GCNT2: variants seen among roughly 807,000 people sequenced by gnomAD.
GCNT2 encodes glucosaminyl (N-acetyl) transferase 2 (I blood group), also known as N-acetyllactosaminide beta-1,6-N-acetylglucosaminyl-transferase.
In GCNT2, 34 loss-of-function variants were observed where a neutral mutation model predicts 34.2. The observed-to-expected ratio is 1.00, with a 90% CI of 0.76 to 1.32. GCNT2 has a LOEUF of 1.32. Among genes scored for constraint, GCNT2 ranks in the 40% most tolerant of loss-of-function variants. The pLI is 0.00. For synonymous variants in GCNT2, 212 were observed against 188.0 expected (o/e 1.13, Z -1.04); for missense variants, 584 against 489.4 (o/e 1.19, Z -1.82).
Position 10,529,703 on chromosome 6 carries a change from G to A in GCNT2, c.792G>A (p.Thr264=), listed in dbSNP as rs780003599. 42 of 1,613,902 alleles carry A rather than the reference G, an allele frequency of 2.6e-5. No individual in the cohort carries two copies. The highest frequency in any genetic ancestry group is 8.8e-5 in the South Asian group (8 of 91,060). ...PPHDMVIYFG[T]AYVALTRDFA... is the part of the protein sequence containing the mutation. The stretch of plus-strand genomic sequence containing the variant: ...ATGACATGGTGATTTACTTTGGCAC[G>A]GCCTACGTGGCTCTCACAAGGGACT... Residue 264 remains threonine (T), a synonymous_variant, in exon 3 of 5, where the codon ACG becomes ACA. Coordinates refer to ENST00000495262, the MANE Select transcript of GCNT2 (RefSeq NM_145649.5).
chr6:10,569,946 T>TTTCTCTCTC (rs1763478431), intron 3 of GCNT2, among the ~76,000 whole-genome samples: 1 of 86,710 alleles, frequency 1.2e-5, no homozygotes, highest in Non-Finnish European at 2.8e-5. Flanking sequence ...CCTTCCTTCC[T>TTTCTCTCTC]TCTTCCTTCC....
intron 3 of GCNT2, among the ~76,000 whole-genome samples, chr6:10,564,149 C>T (rs1271292852): frequency 6.6e-6 from 1 of 152,066 alleles, no homozygotes; most frequent in Non-Finnish European, 1.5e-5. Flanking sequence ...GAACATGTGC[C>T]TATGGGTTTA....
intron 3 of GCNT2, among the ~76,000 whole-genome samples, chr6:10,605,438 G>T (rs12663755): frequency 0.45 from 66,648 of 149,602 alleles, 16,576 homozygotes; most frequent in East Asian, 0.64. Flanking sequence ...TTGAACTCCT[G>T]GGCTCAGGCG....
In GCNT2 at chr6:10,592,729, A is replaced by ATTTGTTTG. The variant is rs528366032; in HGVS notation, c.926-28606_926-28599dup. Among the ~76,000 whole-genome samples, 24 of 152,104 alleles carry ATTTGTTTG rather than the reference A, an allele frequency of 1.6e-4. 1 individual carries two copies. Among genetic ancestry groups the ATTTGTTTG allele is most frequent in the African/African-American group, 5.3e-4 (22 of 41,460 alleles). The stretch of plus-strand genomic sequence containing the variant: ...ACTCTTAATGAGCTCTTTTATTTTT[A>ATTTGTTTG]TTTGTTTGTTTGTTTGTTTGTTTAT... On this transcript the variant is annotated intron_variant, in intron 3 of 4. Coordinates refer to ENST00000495262, the MANE Select transcript of GCNT2 (RefSeq NM_145649.5).
chr6:10,570,870 G>A (rs964556480), intron 3 of GCNT2, among the ~76,000 whole-genome samples: 5 of 152,230 alleles, frequency 3.3e-5, no homozygotes, highest in Non-Finnish European at 5.9e-5. Flanking sequence ...GGAGTTAACC[G>A]GCTTCCTCCC....
intron 4 of GCNT2, chr6:10,621,696 C>G (rs1487230880): frequency 4.5e-6 from 2 of 442,156 alleles, no homozygotes; most frequent in East Asian, 9.5e-5. Flanking sequence ...TGTTTTTCTT[C>G]CTGCTAGTTT....
rs374505844 is a variant in GCNT2 at position 10,609,812 on chromosome 6, A to T, written c.926-11539A>T. Among the ~76,000 whole-genome samples the T allele has an allele frequency of 2.6e-4, 40 of 152,308 alleles. 1 individual carries two copies. Among genetic ancestry groups the T allele is most frequent in the African/African-American group, 9.6e-4 (40 of 41,568 alleles). ...CAAATGTAGAAATGTAAAATGAGAA[A>T]TGAAGTGAGGAGTTGGAATTCTGGT... On this transcript the variant is annotated intron_variant, in intron 3 of 4. Coordinates refer to ENST00000495262, the MANE Select transcript of GCNT2 (RefSeq NM_145649.5).
At chr6:10,604,969 A>T (rs1487598999) in intron 3 of GCNT2, among the ~76,000 whole-genome samples, 1 of 152,014 alleles carries the variant, frequency 6.6e-6, no homozygotes, top group African/African-American at 2.4e-5. Flanking sequence ...ACATAGCAAG[A>T]CCCTGTCTCT....
intron 3 of GCNT2, among the ~76,000 whole-genome samples, chr6:10,600,656 C>T (rs1329316022): frequency 6.6e-6 from 1 of 152,174 alleles, no homozygotes; most frequent in Non-Finnish European, 1.5e-5. Context: ...CCATTGAGGG[C>T]TGAGAAAGCG....
chr6:10,526,437 C>G (rs996968921), intron 1 of GCNT2, among the ~76,000 whole-genome samples: 3 of 152,282 alleles, frequency 2.0e-5, no homozygotes, highest in South Asian at 4.1e-4. Flanking sequence ...GCGGAAAAAT[C>G]AACAGGAATA....
At chr6:10,562,379 A>T (rs1763026704) in intron 3 of GCNT2, among the ~76,000 whole-genome samples, 1 of 152,164 alleles carries the variant, frequency 6.6e-6, no homozygotes. Context: ...TGAGAGTTCC[A>T]GCGGCAGCTT....
chr6:10,580,884 T>C (rs1469257396), intron 3 of GCNT2, among the ~76,000 whole-genome samples: 2 of 152,136 alleles, frequency 1.3e-5, no homozygotes, highest in African/African-American at 4.8e-5. Context: ...GAGATGATGA[T>C]GTGTTGTTAG....
intron 3 of GCNT2, among the ~76,000 whole-genome samples, chr6:10,551,424 T>C (rs976229735): frequency 2.7e-5 from 4 of 146,510 alleles, no homozygotes; most frequent in African/African-American, 1.1e-4. Context: ...TTTTTTAATT[T>C]TTATTATTTA....
intron 1 of GCNT2, among the ~76,000 whole-genome samples, chr6:10,522,948 C>T (rs1760989049): frequency 1.3e-5 from 2 of 152,204 alleles, no homozygotes; most frequent in African/African-American, 4.8e-5. Flanking sequence ...ATGAGGTTCT[C>T]CAGCTCTGGC....
At chr6:10,557,490 GTTC>G (rs1762776067) in intron 3 of GCNT2, 5 of 660,122 alleles carry the variant, frequency 7.6e-6, no homozygotes, top group South Asian at 3.8e-5. Context: ...GCAGAAAGAT[GTTC>G]TTTTTTTTTT....
chr6:10,534,246 A>AT (rs1561782112), intron 3 of GCNT2, among the ~76,000 whole-genome samples: 2 of 150,428 alleles, frequency 1.3e-5, no homozygotes, highest in Admixed American at 6.7e-5. Context: ...GGTTCAAGCA[A>AT]TTCTCCTGTC....
At chr6:10,568,382 G>A (rs1328342623) in intron 3 of GCNT2, among the ~76,000 whole-genome samples, 2 of 151,958 alleles carry the variant, frequency 1.3e-5, no homozygotes, top group Non-Finnish European at 2.9e-5. Flanking sequence ...CATTCCATAC[G>A]TTTTGTCTGT....
At chr6:10,576,149 C>T (rs999501860) in intron 3 of GCNT2, among the ~76,000 whole-genome samples, 2 of 151,982 alleles carry the variant, frequency 1.3e-5, no homozygotes, top group Admixed American at 6.5e-5. Context: ...GAATTACAGG[C>T]GTGAGCCACC....
At position 10,529,493 on chromosome 6, in the gene GCNT2, C is replaced by T; in HGVS notation, c.582C>T (p.Asp194=). 1 of 1,614,094 alleles carries T rather than the reference C, an allele frequency of 6.2e-7. No individual in the cohort carries two copies. Among genetic ancestry groups the T allele is most frequent in the Non-Finnish European group, 8.5e-7 (1 of 1,179,974 alleles). Residue 194 remains aspartate (D), a synonymous_variant, in exon 3 of 5, where the codon GAC becomes GAT. Transcript: ENST00000495262. ...WKYVINTCGQ[D]FPLKTNREIV... is the part of the protein sequence containing the mutation. Reference sequence around the variant, plus strand: ...ATGTCATCAACACCTGCGGGCAAGACTTTCCCCTGAAAACCAACAGGGAAA... The same window carrying T: ...ATGTCATCAACACCTGCGGGCAAGATTTTCCCCTGAAAACCAACAGGGAAA...
Sources: gnomAD v4.1 joint callset for allele counts (sites outside exome capture counted in the v4.1 genomes callset) on GRCh38, gnomAD v4.1.1 for gene constraint, MANE v1.5 for transcripts, NCBI Gene and HGNC (gene_info 2026-07-23, HGNC 2026-07-21) for gene names.